Variants in ZER1 observed in about 807,000 individuals in gnomAD.
ZER1 encodes the protein protein zer-1 homolog.
In ZER1, 11 loss-of-function variants were observed where a neutral mutation model predicts 78.8. The observed-to-expected ratio is 0.14, with a 90% CI of 0.09 to 0.23. ZER1 has a LOEUF of 0.23. ZER1 is among the 10% of genes least tolerant of loss of function. ZER1 has a pLI of 1.00. For synonymous variants in ZER1, 400 were observed against 407.0 expected, an observed-to-expected ratio of 0.98 and a Z score of 0.21; for missense variants, 588 against 996.9, an observed-to-expected ratio of 0.59 and a Z score of 5.52.
At position 128,732,179 on chromosome 9, in the gene ZER1, C is replaced by T. The variant is rs887300157; in HGVS notation, c.2244-785G>A. Among the ~76,000 whole-genome samples, 19 of 152,204 alleles carry T rather than the reference C, an allele frequency of 1.2e-4. No individual in the cohort carries two copies. The highest frequency in any genetic ancestry group is 4.6e-4 in the African/African-American group (19 of 41,450). On this transcript the variant is annotated intron_variant, in intron 15 of 15. Transcript: ENST00000291900. This position sits in a 1 kb window ranked among gnomAD's most constrained non-coding sequence, Gnocchi z 4.8. ...ATTTACTCCTTGCTGTCAGACAGGC[C>T]AGTGCCTCAGATTCCCATCACAGGC...
chr9:128,731,186 A>G lies in ZER1; in HGVS notation c.*151T>C. ...TATAATATATATATATCTCACTAAC[A>G]TTAAGGAAAAGCGTCGGTTGTGCAA... On this transcript the variant is annotated 3_prime_UTR_variant, in exon 16 of 16. Transcript: ENST00000291900. The G allele has an allele frequency of 2.0e-6, 1 of 501,364 alleles. No individual in the cohort carries two copies. Among genetic ancestry groups the G allele is most frequent in the Admixed American group, 3.4e-5 (1 of 29,338 alleles). 31.1% of individuals were successfully genotyped at this position (501,364 alleles called of 1,614,324 possible).
Position 128,754,957 on chromosome 9 carries a change from C to T in ZER1, c.158+451G>A, listed in dbSNP as rs187529266. On this transcript the variant is annotated intron_variant, in intron 2 of 15. Coordinates refer to ENST00000291900, the MANE Select transcript of ZER1 (RefSeq NM_006336.4). This position sits in a 1 kb window ranked among gnomAD's most constrained non-coding sequence, Gnocchi z 4.3. Reference sequence around the variant, plus strand: ...ATGATTCACTCCCTGATCATGGATCCGTTATTCTGGCACCGGCATGTACAT... The same window carrying T: ...ATGATTCACTCCCTGATCATGGATCTGTTATTCTGGCACCGGCATGTACAT... Among the ~76,000 whole-genome samples the T allele has an allele frequency of 1.8e-4, 27 of 152,266 alleles. No homozygotes were observed. Among genetic ancestry groups the T allele is most frequent in the African/African-American group, 4.8e-4 (20 of 41,544 alleles).
chr9:128,751,013 TG>T lies in ZER1; in HGVS notation c.1185+108del. 6.8e-7 allele frequency: 1 copy of T among 1,468,050 alleles called. No homozygotes were observed. Among genetic ancestry groups the T allele is most frequent in the Non-Finnish European group, 9.0e-7 (1 of 1,109,018 alleles). The allele number at this position is 1,468,050 out of a possible 1,614,324, so 90.9% of individuals were successfully genotyped here. ...GGCTGGGGTTCGGGTCCTGGGGCCCTGGGGACAGGGTGCAGAAGGACACAGG... is the reference window on the plus strand; with the variant it reads ...GGCTGGGGTTCGGGTCCTGGGGCCCTGGGACAGGGTGCAGAAGGACACAGG... On this transcript the variant is annotated intron_variant, in intron 7 of 15. Transcript: ENST00000291900. This position sits in a 1 kb window ranked among gnomAD's most constrained non-coding sequence, Gnocchi z 5.4.
intron 15 of ZER1, 159 bp downstream of exon 15, chr9:128,733,267 G>T: frequency 1.8e-6 from 1 of 561,012 alleles, no homozygotes; most frequent in Non-Finnish European, 3.2e-6. Context: ...ATGACATTTG[G>T]AGAGGCCCCA....
chr9:128,738,958 T>G (rs943062792), intron 13 of ZER1, among the ~76,000 whole-genome samples: 7 of 149,772 alleles, frequency 4.7e-5, no homozygotes, highest in Non-Finnish European at 1.0e-4. Context: ...TTCAAGCGAT[T>G]CTCCTGCCTC....
At chr9:128,770,288 T>C (rs1864342942) in intron 1 of ZER1, among the ~76,000 whole-genome samples, 1 of 151,968 alleles carries the variant, frequency 6.6e-6, no homozygotes, top group African/African-American at 2.4e-5. Flanking sequence ...CACGGCCAGC[T>C]AATTTTTTTT....
chr9:128,758,114 A>T (rs1863919687), intron 1 of ZER1, among the ~76,000 whole-genome samples: 1 of 146,388 alleles, frequency 6.8e-6, no homozygotes, highest in African/African-American at 2.5e-5. Flanking sequence ...TTTAATTTTT[A>T]GTTTAGGTTT....
At position 128,753,145 on chromosome 9, in the gene ZER1, C is replaced by T; in HGVS notation, c.746+19G>A. ...GCCCCCCAAACCCCACCCTGGTGAG[C>T]TCTGGGCCAGGAGCTCACCGCAGCT... On this transcript the variant is annotated intron_variant, in intron 4 of 15. Coordinates refer to ENST00000291900, the MANE Select transcript of ZER1 (RefSeq NM_006336.4). This position sits in a 1 kb window ranked among gnomAD's most constrained non-coding sequence, Gnocchi z 7.5. 3 of 1,515,848 alleles carry T rather than the reference C, an allele frequency of 2.0e-6. No individual in the cohort carries two copies. Among genetic ancestry groups the T allele is most frequent in the Non-Finnish European group, 2.7e-6 (3 of 1,129,518 alleles). The allele number at this position is 1,515,848 out of a possible 1,614,324, so 93.9% of individuals were successfully genotyped here.
At chr9:128,771,245 G>T (rs903626473) in intron 1 of ZER1, among the ~76,000 whole-genome samples, 1 of 152,174 alleles carries the variant, frequency 6.6e-6, no homozygotes, top group African/African-American at 2.4e-5. Flanking sequence ...AGCTGATCCA[G>T]AATCCAAGTC....
chr9:128,733,253 C>T (rs769827895), intron 15 of ZER1, 173 bp downstream of exon 15: 8 of 544,930 alleles, frequency 1.5e-5, no homozygotes, highest in Non-Finnish European at 2.3e-5. Context: ...ACAATGTGGT[C>T]GAGATGACAT....
At position 128,754,034 on chromosome 9, in the gene ZER1, C is replaced by A. The variant is rs574262265; in HGVS notation, c.159-75G>T. The A allele has an allele frequency of 4.6e-6, 7 of 1,511,194 alleles. No individual in the cohort carries two copies. In the East Asian group the frequency reaches 1.5e-4, roughly 32 times the overall value. The allele number at this position is 1,511,194 out of a possible 1,614,324, so 93.6% of individuals were successfully genotyped here. ...CCTCGCTTCAAAGCCAAGCCCTCCT[C>A]CCCCTGAAGCTTTCTTGGATCACCC... On this transcript the variant is annotated intron_variant, in intron 2 of 15. Transcript: ENST00000291900. The surrounding 1 kb of genome is among the most constrained non-coding windows in gnomAD (Gnocchi z 4.3).
At chr9:128,746,264 C>T (rs1448577510) in intron 8 of ZER1, 2 of 152,160 alleles carry the variant, frequency 1.3e-5, no homozygotes, top group Non-Finnish European at 2.9e-5. Flanking sequence ...GGTTGCCCTT[C>T]ACAAAGGTTG....
At position 128,751,072 on chromosome 9, in the gene ZER1, C is replaced by T. The variant is rs1195124440; in HGVS notation, c.1185+50G>A. 3.2e-6 allele frequency: 5 copies of T among 1,541,596 alleles called. No individual in the cohort carries two copies. The highest frequency in any genetic ancestry group is 2.5e-5 in the South Asian group (2 of 81,532). On this transcript the variant is annotated intron_variant, in intron 7 of 15. Coordinates refer to ENST00000291900, the MANE Select transcript of ZER1 (RefSeq NM_006336.4). The surrounding 1 kb of genome is among the most constrained non-coding windows in gnomAD (Gnocchi z 5.4). ...GACACGGCTCAGCCAAGCCCGGCAA[C>T]CTCCAGGTGGGGAGGGACAGGAGGC... is the stretch of plus-strand genomic sequence containing the variant.
intron 15 of ZER1, 57 bp from the exon 16 acceptor site, chr9:128,731,451 GC>G: frequency 7.5e-7 from 1 of 1,332,948 alleles, no homozygotes. Context: ...GGTGAGCCCA[GC>G]CCCTCCGAGA....
At chr9:128,739,414 A>T (rs964768119) in intron 13 of ZER1, among the ~76,000 whole-genome samples, 3 of 151,480 alleles carry the variant, frequency 2.0e-5, no homozygotes, top group African/African-American at 2.4e-5. Context: ...AGGCAGGAAA[A>T]TGGCGTGAAC....
At position 128,751,091 on chromosome 9, in the gene ZER1, A is replaced by G. The variant is rs13284665; in HGVS notation, c.1185+31T>C. 192,934 of 1,559,926 alleles carry G rather than the reference A, an allele frequency of 0.12. 12,378 individuals are homozygous for G. Among genetic ancestry groups the G allele is most frequent in the Non-Finnish European group, 0.13 (153,547 of 1,147,646 alleles). On this transcript the variant is annotated intron_variant, in intron 7 of 15. Transcript: ENST00000291900. This position sits in a 1 kb window ranked among gnomAD's most constrained non-coding sequence, Gnocchi z 5.4. ...CGGCAACCTCCAGGTGGGGAGGGAC[A>G]GGAGGCCAAGGCCCCAGGCTTGGAG...
intron 14 of ZER1, 62 bp downstream of exon 14, chr9:128,735,272 C>T: frequency 6.7e-7 from 1 of 1,488,338 alleles, no homozygotes; most frequent in Non-Finnish European, 9.2e-7. Context: ...CTACAAACTC[C>T]CTGAGGGCAC....
At chr9:128,736,729 G>T (rs1210147012) in intron 13 of ZER1, among the ~76,000 whole-genome samples, 3 of 148,002 alleles carry the variant, frequency 2.0e-5, no homozygotes, top group African/African-American at 7.6e-5. Context: ...CTGGAGTGCA[G>T]TGGCATGATC....
At chr9:128,735,253 C>T in intron 14 of ZER1, 81 bp downstream of exon 14, 6 of 1,275,742 alleles carry the variant, frequency 4.7e-6, no homozygotes. Context: ...TTAATGCCCC[C>T]CTCCTGGACT....
Sources: allele counts gnomAD v4.1 joint callset (sites outside exome capture counted in the v4.1 genomes callset), GRCh38; gene constraint gnomAD v4.1.1; non-coding constraint Gnocchi (gnomAD v3.1); transcripts MANE v1.5; gene names NCBI Gene and HGNC (gene_info 2026-07-23, HGNC 2026-07-21).